The following TGFBR1 variants were observed in gnomAD, a reference collection of about 807,000 sequenced individuals.
The protein encoded by TGFBR1 is TGF-beta receptor type-1.
Under a neutral mutation model 55.1 loss-of-function variants are expected in TGFBR1, and 20 were observed. That is an observed-to-expected ratio of 0.36 (90% CI 0.26 to 0.53). The LOEUF (loss-of-function observed/expected upper bound fraction) is 0.53. Ranked by LOEUF, TGFBR1 falls within the 20% of genes least tolerant of loss-of-function variation. TGFBR1 has a pLI of 0.91. For missense variants in TGFBR1, 385 were observed against 617.6 expected (o/e 0.62, Z 3.99); for synonymous variants, 220 against 214.8 (o/e 1.02, Z -0.21).
At chr9:99,105,392 C>T (rs1564121215) in intron 1 of TGFBR1, 90 bp downstream of exon 1, 1 of 958,200 alleles carries the variant, frequency 1.0e-6, no homozygotes. Context: ...AAACATGGCG[C>T]GGGGCCGGGG....
chr9:99,106,495 A>G (rs1564122785), intron 1 of TGFBR1, among the ~76,000 whole-genome samples: 1 of 152,246 alleles, frequency 6.6e-6, no homozygotes, highest in South Asian at 2.1e-4. Context: ...GCTACCGTCT[A>G]TGTATTGTGC....
intron 1 of TGFBR1, among the ~76,000 whole-genome samples, chr9:99,114,684 A>G (rs1588563210): frequency 6.6e-6 from 1 of 152,218 alleles, no homozygotes; most frequent in Non-Finnish European, 1.5e-5. Context: ...GCTTTGCTAA[A>G]AGCTGGAGGA....
chr9:99,111,955 G>A (rs1241725718), intron 1 of TGFBR1, among the ~76,000 whole-genome samples: 4 of 152,164 alleles, frequency 2.6e-5, no homozygotes, highest in Non-Finnish European at 5.9e-5. Flanking sequence ...CCTTGCAGGA[G>A]GATAGGGCTT....
chr9:99,115,740 G>A (rs907962097), intron 1 of TGFBR1, among the ~76,000 whole-genome samples: 1 of 152,010 alleles, frequency 6.6e-6, no homozygotes, highest in Non-Finnish European at 1.5e-5. Context: ...TTTTAATTTT[G>A]TTATTCAATG....
chr9:99,146,508 A>G lies in TGFBR1; in HGVS notation c.1154A>G (p.Asp385Gly). The G allele has an allele frequency of 6.2e-7, 1 of 1,613,940 alleles. No homozygotes were observed. The highest frequency in any genetic ancestry group is 8.5e-7 in the Non-Finnish European group (1 of 1,179,884). ...TKRYMAPEVLDDSINMKHFES... is the reference protein window; with the variant it reads ...TKRYMAPEVLGDSINMKHFES... ...AGGTACATGGCCCCTGAAGTTCTCG[A>G]TGATTCCATAAATATGAAACATTTT... Residue 385 changes from aspartate (D) to glycine (G), a missense_variant, in exon 7 of 9, where the codon GAT becomes GGT. This residue lies in a region of TGFBR1 where 110 missense variants were observed against 154.6 expected (regional missense o/e 0.71). Coordinates refer to ENST00000374994, the MANE Select transcript of TGFBR1 (RefSeq NM_004612.4).
At chr9:99,124,191 G>A (rs948085584) in intron 1 of TGFBR1, among the ~76,000 whole-genome samples, 2 of 152,022 alleles carry the variant, frequency 1.3e-5, no homozygotes, top group East Asian at 1.9e-4. Context: ...CTCTTCTACC[G>A]CAGCAGAGTA....
At position 99,129,056 on chromosome 9, in the gene TGFBR1, G is replaced by A; in HGVS notation, c.299G>A (p.Cys100Tyr). ...SKTGSVTTTY[C>Y]CNQDHCNKIE... Reference sequence around the variant, plus strand: ...ACTGGGTCTGTGACTACAACATATTGCTGCAATCAGGACCATTGCAATAAA... The same window carrying A: ...ACTGGGTCTGTGACTACAACATATTACTGCAATCAGGACCATTGCAATAAA... The change falls in exon 2 of 9, where the codon TGC becomes TAC. Residue 100 changes from cysteine (C) to tyrosine (Y), a missense_variant. By Grantham distance (194) the Cys-to-Tyr change is radical. Transcript: ENST00000374994. 6.2e-7 allele frequency: 1 copy of A among 1,613,902 alleles called. No homozygotes were observed. The highest frequency in any genetic ancestry group is 8.5e-7 in the Non-Finnish European group (1 of 1,179,928).
intron 1 of TGFBR1, among the ~76,000 whole-genome samples, chr9:99,121,187 A>T (rs1005951007): frequency 2.6e-5 from 4 of 152,292 alleles, no homozygotes; most frequent in African/African-American, 9.6e-5. Context: ...CAGGGGTGAA[A>T]TATTATCTGG....
rs11568813 is a variant in TGFBR1 at position 99,151,716 on chromosome 9, G to A, written c.*2411G>A. The A allele has an allele frequency of 6.7e-5, 15 of 222,556 alleles. No individual in the cohort carries two copies. Among genetic ancestry groups the A allele is most frequent in the South Asian group, 1.8e-4 (1 of 5,430 alleles). The allele number at this position is 222,556 out of a possible 1,614,324, so 13.8% of individuals were successfully genotyped here. On this transcript the variant is annotated 3_prime_UTR_variant, in exon 9 of 9. Transcript: ENST00000374994. ...GAGTTTAGTTCTAAATTGACTTTAC[G>A]TATTACTGCAGTTAATTCCTTTTTT...
chr9:99,144,501 T>G (rs1393935301), intron 5 of TGFBR1, among the ~76,000 whole-genome samples: 2 of 152,198 alleles, frequency 1.3e-5, no homozygotes, highest in Non-Finnish European at 2.9e-5. Context: ...GTCTTTGAGT[T>G]GTTCATCTTT....
At position 99,138,119 on chromosome 9, in the gene TGFBR1, T is replaced by C. The variant is rs754670203; in HGVS notation, c.805+30T>C. On this transcript the variant is annotated intron_variant, in intron 4 of 8. Transcript: ENST00000374994. The stretch of plus-strand genomic sequence containing the variant: ...GTAACATTTGCTTTTCCTTATGTTA[T>C]ATATAACAAGATCTCTTTAAGTCTT... The C allele has an allele frequency of 3.2e-6, 5 of 1,574,442 alleles. No homozygotes were observed. In the South Asian group the frequency reaches 4.4e-5, roughly 14 times the overall value.
At chr9:99,105,102 G>A, upstream of TGFBR1, 1 of 930,126 alleles carries the variant, frequency 1.1e-6, no homozygotes, top group Non-Finnish European at 1.3e-6. Context: ...GGGCCGGAGC[G>A]AGGCCGCCGC....
intron 4 of TGFBR1, 95 bp from the exon 5 acceptor site, chr9:99,142,441 T>C: frequency 7.4e-7 from 1 of 1,347,952 alleles, no homozygotes; most frequent in Admixed American, 1.7e-5. Context: ...TATTGCAGTG[T>C]GTGACTCAGG....
chr9:99,123,154 G>C (rs1035094305), intron 1 of TGFBR1, among the ~76,000 whole-genome samples: 15 of 151,984 alleles, frequency 9.9e-5, no homozygotes, highest in African/African-American at 3.6e-4. Flanking sequence ...TTGCATGAGG[G>C]ATACTCAACT....
rs1293864858 is a variant in TGFBR1 at position 99,153,343 on chromosome 9, T to C, written c.*4038T>C. ...GTACCCCAAATAACATCGTCTGTAC[T>C]TTCTGTTTTCTGTATTGTATTTGTG... On this transcript the variant is annotated 3_prime_UTR_variant, in exon 9 of 9. Transcript: ENST00000374994. The C allele has an allele frequency of 4.6e-6, 1 of 217,322 alleles. No individual in the cohort carries two copies. The highest frequency in any genetic ancestry group is 9.3e-6 in the Non-Finnish European group (1 of 107,604). 13.5% of individuals were successfully genotyped at this position (217,322 alleles called of 1,614,324 possible). A position where few individuals can be genotyped will look rare whatever the true frequency, so the allele number is the denominator to read the frequency against.
intron 6 of TGFBR1, chr9:99,146,032 G>A: frequency 3.8e-6 from 1 of 265,072 alleles, no homozygotes; most frequent in South Asian, 4.1e-5. Flanking sequence ...TGTGGGTCCT[G>A]ACCCATAATT....
intron 1 of TGFBR1, among the ~76,000 whole-genome samples, chr9:99,110,620 A>G (rs761596265): frequency 6.6e-6 from 1 of 152,224 alleles, no homozygotes; most frequent in Non-Finnish European, 1.5e-5. Flanking sequence ...GTAAATATAT[A>G]TATAAAAGAA....
At chr9:99,109,092 T>C (rs865807981) in intron 1 of TGFBR1, among the ~76,000 whole-genome samples, 43 of 152,152 alleles carry the variant, frequency 2.8e-4, no homozygotes, top group African/African-American at 1.0e-3. Context: ...GGATAGGTGG[T>C]TGGCATCCAC....
intron 1 of TGFBR1, among the ~76,000 whole-genome samples, chr9:99,121,155 G>A (rs573832155): frequency 2.0e-5 from 3 of 152,244 alleles, no homozygotes; most frequent in South Asian, 4.1e-4. Flanking sequence ...AAAATCAGGC[G>A]TTTATTCTGA....
Sources: allele counts gnomAD v4.1 joint callset (sites outside exome capture counted in the v4.1 genomes callset), GRCh38; gene constraint gnomAD v4.1.1; regional missense constraint gnomAD v4.1.1; transcripts MANE v1.5; gene names NCBI Gene and HGNC (gene_info 2026-07-23, HGNC 2026-07-21).